KIFC3: variants seen among roughly 807,000 people sequenced by gnomAD.
KIFC3 encodes kinesin family member C3, also known as kinesin-like protein KIFC3.
In KIFC3, 60 loss-of-function variants were observed where a neutral mutation model predicts 101.8. The ratio of observed to expected loss-of-function variants is 0.59; its 90% CI spans 0.48 to 0.73. The LOEUF is 0.73. Ranked by LOEUF, KIFC3 falls within the 30% of genes least tolerant of loss-of-function variation. The pLI is 0.00. For missense variants in KIFC3, 966 were observed against 1,137.1 expected, an observed-to-expected ratio of 0.85 and a Z score of 2.16; for synonymous variants, 476 against 482.7, an observed-to-expected ratio of 0.99 and a Z score of 0.18.
intron 1 of KIFC3, among the ~76,000 whole-genome samples, chr16:57,826,903 G>A (rs995333384): frequency 1.3e-5 from 2 of 152,178 alleles, no homozygotes; most frequent in Non-Finnish European, 1.5e-5. Context: ...GCAGAAGTGC[G>A]TCTGGGGCTG....
chr16:57,789,558 G>A (rs1346627825), intron 3 of KIFC3, among the ~76,000 whole-genome samples: 1 of 152,230 alleles, frequency 6.6e-6, no homozygotes, highest in African/African-American at 2.4e-5. Flanking sequence ...GGATGGTGTA[G>A]TGGCTGAGAG....
chr16:57,762,304 G>A, intron 12 of KIFC3, 34 bp from the exon 13 acceptor site: 3 of 1,496,646 alleles, frequency 2.0e-6, no homozygotes, highest in Non-Finnish European at 2.7e-6. Flanking sequence ...AGTAAGCCAG[G>A]CCTGTCCCCA....
At chr16:57,767,249 C>T (rs2050599390) in intron 9 of KIFC3, among the ~76,000 whole-genome samples, 1 of 152,258 alleles carries the variant, frequency 6.6e-6, no homozygotes, top group African/African-American at 2.4e-5. Flanking sequence ...ACTCAGCCCT[C>T]CACACCACAG....
intron 1 of KIFC3, among the ~76,000 whole-genome samples, chr16:57,860,517 A>C (rs558378143): frequency 6.6e-6 from 1 of 152,304 alleles, no homozygotes; most frequent in South Asian, 2.1e-4. Context: ...ACATATGTTC[A>C]TTCATTACCA....
intron 14 of KIFC3, 90 bp downstream of exon 14, chr16:57,761,323 G>T: frequency 6.3e-7 from 1 of 1,580,718 alleles, no homozygotes; most frequent in Non-Finnish European, 8.6e-7. Context: ...GCCCAAGGGT[G>T]CGTGCTTAGG....
chr16:57,813,972 T>C (rs2081248), intron 1 of KIFC3: 58,530 of 581,248 alleles, frequency 0.1, 9,659 homozygotes, highest in African/African-American at 0.58. Flanking sequence ...GCTACTGTCC[T>C]CATGCTATAG....
intron 1 of KIFC3, among the ~76,000 whole-genome samples, chr16:57,828,570 G>A (rs2055507671): frequency 6.6e-6 from 1 of 152,326 alleles, no homozygotes; most frequent in East Asian, 1.9e-4. Context: ...ATTGGACCAG[G>A]GTCCCAGCCT....
chr16:57,846,982 C>T (rs765857558), intron 1 of KIFC3, among the ~76,000 whole-genome samples: 15 of 152,156 alleles, frequency 9.9e-5, no homozygotes, highest in African/African-American at 3.4e-4. Context: ...GCCAGGATTT[C>T]GAGACCAGCC....
chr16:57,760,390 G>A lies in KIFC3; in HGVS notation c.2259C>T (p.Ser753=), dbSNP rs781921743. 6 of 1,613,854 alleles carry A rather than the reference G, an allele frequency of 3.7e-6. No homozygotes were observed. Among genetic ancestry groups the A allele is most frequent in the South Asian group, 1.1e-5 (1 of 91,088 alleles). Residue 753 remains serine, a synonymous_variant, in exon 17 of 20, where the codon AGC becomes AGT. Transcript: ENST00000445690. ...VQVSPVEKNT[S]ETLYSLKFAE... ...CAAACTTGAGGGAATAGAGCGTCTC[G>A]CTAGTGTTCTTCTCCACGGGGGACA...
chr16:57,790,883 T>C, intron 3 of KIFC3: 1 of 982,736 alleles, frequency 1.0e-6, no homozygotes, highest in Non-Finnish European at 1.2e-6. Context: ...ACCCCCTCCC[T>C]CTCTCGACCC....
chr16:57,787,198 A>C (rs1415030069), intron 3 of KIFC3, among the ~76,000 whole-genome samples: 1 of 152,232 alleles, frequency 6.6e-6, no homozygotes, highest in African/African-American at 2.4e-5. Context: ...GGCAGGGAAC[A>C]CACTGGACTC....
intron 11 of KIFC3, 28 bp from the exon 12 acceptor site, chr16:57,764,275 T>TGGGGGGGGGGGGGGGGTGGGGGGGGGGG: frequency 1.9e-6 from 1 of 539,938 alleles, no homozygotes; most frequent in Non-Finnish European, 3.5e-6. Context: ...GGGAGGCTGG[T>TGGGGGGGGGGGGGGGGTGGGGGGGGGGG]GGGGGGGCTT....
chr16:57,800,710 G>T (rs1274564428), intron 1 of KIFC3, among the ~76,000 whole-genome samples: 2 of 152,202 alleles, frequency 1.3e-5, no homozygotes, highest in African/African-American at 4.8e-5. Context: ...GAGGAAGGGC[G>T]TGTGCTAGAT....
intron 13 of KIFC3, 71 bp downstream of exon 13, chr16:57,762,069 C>T (rs782489249): frequency 9.4e-5 from 140 of 1,491,192 alleles, no homozygotes; most frequent in African/African-American, 3.9e-4. Flanking sequence ...CTGAGGACCT[C>T]GTTCCAGCAC....
chr16:57,771,904 G>T (rs1555608937), intron 4 of KIFC3, among the ~76,000 whole-genome samples: 1 of 152,214 alleles, frequency 6.6e-6, no homozygotes, highest in African/African-American at 2.4e-5. Flanking sequence ...GCAGAGTTGA[G>T]AAGGGTGGTG....
At chr16:57,830,003 A>G (rs1300762352) in intron 1 of KIFC3, among the ~76,000 whole-genome samples, 1 of 152,224 alleles carries the variant, frequency 6.6e-6, no homozygotes, top group African/African-American at 2.4e-5. Context: ...AAGATGACCA[A>G]GATCATCCAA....
chr16:57,825,924 A>C (rs968217142), intron 1 of KIFC3, among the ~76,000 whole-genome samples: 1 of 152,228 alleles, frequency 6.6e-6, no homozygotes, highest in South Asian at 2.1e-4. Flanking sequence ...CAAGCTATCA[A>C]TCCACCCACC....
intron 1 of KIFC3, among the ~76,000 whole-genome samples, chr16:57,833,996 G>A (rs2055637570): frequency 6.6e-6 from 1 of 151,094 alleles, no homozygotes; most frequent in Non-Finnish European, 1.5e-5. Flanking sequence ...CTGAGTAGCT[G>A]GGATTACAGG....
intron 3 of KIFC3, chr16:57,788,780 G>A: frequency 7.9e-7 from 1 of 1,267,108 alleles, no homozygotes; most frequent in Non-Finnish European, 1.0e-6. Context: ...TCGAGCCAGA[G>A]GATGGTGTGC....
Sources: gnomAD v4.1 joint callset for allele counts (sites outside exome capture counted in the v4.1 genomes callset) on GRCh38, gnomAD v4.1.1 for gene constraint, MANE v1.5 for transcripts, NCBI Gene and HGNC (gene_info 2026-07-23, HGNC 2026-07-21) for gene names.